The following ACOT11 variants were observed in gnomAD, a reference collection of about 807,000 sequenced individuals.
ACOT11 encodes acyl-CoA thioesterase 11, also known as acyl-coenzyme A thioesterase 11.
Under a neutral mutation model 77.5 loss-of-function variants are expected in ACOT11, and 69 were observed. The observed-to-expected ratio is 0.89, with a 90% CI of 0.73 to 1.09. The LOEUF (loss-of-function observed/expected upper bound fraction) is 1.09. ACOT11 is among the 50% of genes least tolerant of loss of function. The probability of loss-of-function intolerance (pLI) is 0.00; values close to 1 mark genes in which losing one functional copy is unlikely to be tolerated. For synonymous variants in ACOT11, 279 were observed against 313.0 expected (o/e 0.89, Z 1.15); for missense variants, 766 against 813.7 (o/e 0.94, Z 0.71).
Position 54,584,940 on chromosome 1 carries a change from G to A in ACOT11, c.241+78G>A, listed in dbSNP as rs936435533. 10 of 1,433,732 alleles carry A rather than the reference G, an allele frequency of 7.0e-6. No homozygotes were observed. In the East Asian group the frequency reaches 9.9e-5, roughly 14 times the overall value. The allele number at this position is 1,433,732 out of a possible 1,614,324, so 88.8% of individuals were successfully genotyped here. A position where few individuals can be genotyped will look rare whatever the true frequency, so the allele number is the denominator to read the frequency against. ...GGCCGTGCTTTCAGAGATGGTCACCGTCCACCCTAAGTGCCACACTTGTTT... is the reference window on the plus strand; with the variant it reads ...GGCCGTGCTTTCAGAGATGGTCACCATCCACCCTAAGTGCCACACTTGTTT... On this transcript the variant is annotated intron_variant, in intron 2 of 15. Transcript: ENST00000343744. This position sits in a 1 kb window ranked among gnomAD's most constrained non-coding sequence, Gnocchi z 6.3.
At chr1:54,576,778 T>C (rs1654132064) in intron 1 of ACOT11, among the ~76,000 whole-genome samples, 1 of 152,020 alleles carries the variant, frequency 6.6e-6, no homozygotes, top group Non-Finnish European at 1.5e-5. Context: ...ACTGGAGGTG[T>C]GGGCGAGACT....
At chr1:54,637,755 C>T (rs1644339127) in exon 17 of ACOT11, 1 of 152,034 alleles carries the variant, frequency 6.6e-6, no homozygotes, top group South Asian at 2.1e-4. Flanking sequence ...CCACTGCATT[C>T]CAGCCGGGGT....
At chr1:54,594,438 C>A in intron 5 of ACOT11, 118 bp from the exon 6 acceptor site, 1 of 1,340,810 alleles carries the variant, frequency 7.5e-7, no homozygotes, top group Non-Finnish European at 1.0e-6. Flanking sequence ...TGGAACTGAG[C>A]AGCAGCCCAC....
At chr1:54,574,228 A>T (rs1016194923) in intron 1 of ACOT11, among the ~76,000 whole-genome samples, 3 of 152,164 alleles carry the variant, frequency 2.0e-5, no homozygotes, top group African/African-American at 7.2e-5. Context: ...CAGCGCCCAA[A>T]CAATACGGAG....
At position 54,609,246 on chromosome 1, in the gene ACOT11, C is replaced by T. The variant is rs758065053; in HGVS notation, c.*134C>T. 1.9e-6 allele frequency: 3 copies of T among 1,594,476 alleles called. No homozygotes were observed. In the South Asian group the frequency reaches 3.4e-5, roughly 18 times the overall value. ...TGGGAAGCCTCCGCCCTGAGGTCCG[C>T]TGGCCCACCACCCCTGGGTGCTCAG... On this transcript the variant is annotated 3_prime_UTR_variant, in exon 16 of 16. Coordinates refer to ENST00000343744, the MANE Select transcript of ACOT11 (RefSeq NM_147161.4).
At chr1:54,623,188 A>AT in intron 15 of ACOT11, 1 of 796,396 alleles carries the variant, frequency 1.3e-6, no homozygotes, top group Non-Finnish European at 2.0e-6. Context: ...AAAAAAAAAA[A>AT]GGGACTGGTC....
chr1:54,589,929 A>G (rs544796396), intron 3 of ACOT11, among the ~76,000 whole-genome samples: 1 of 152,270 alleles, frequency 6.6e-6, no homozygotes, highest in African/African-American at 2.4e-5. Context: ...TCTACTAAAA[A>G]TACAAAAAAT....
intron 1 of ACOT11, among the ~76,000 whole-genome samples, chr1:54,570,065 C>T (rs1653880793): frequency 6.6e-6 from 1 of 152,210 alleles, no homozygotes; most frequent in African/African-American, 2.4e-5. Flanking sequence ...TCCTGTGTGC[C>T]CAGCATGCCT....
intron 3 of ACOT11, among the ~76,000 whole-genome samples, chr1:54,592,143 C>T (rs1654732796): frequency 6.6e-6 from 1 of 152,194 alleles, no homozygotes. Flanking sequence ...AGACAGAGGT[C>T]ACTCTGCCAG....
In ACOT11 at chr1:54,602,682, G is replaced by A. The variant is rs778640519; in HGVS notation, c.1043G>A (p.Arg348Gln). The A allele has an allele frequency of 1.1e-5, 17 of 1,552,626 alleles. 1 individual carries two copies. The highest frequency in any genetic ancestry group is 7.2e-5 in the East Asian group (3 of 41,446). ...CTTCCTCCCCAGGATGGTGAGCGGCGGTACCGAGAGGCCAGTGCCAGAAAG... is the reference window on the plus strand; with the variant it reads ...CTTCCTCCCCAGGATGGTGAGCGGCAGTACCGAGAGGCCAGTGCCAGAAAG... ...IRPQPGDGER[R>Q]YREASARKKI... Residue 348 changes from arginine to glutamine, a missense_variant, in exon 10 of 16, where the codon CGG becomes CAG. Coordinates refer to ENST00000343744, the MANE Select transcript of ACOT11 (RefSeq NM_147161.4).
chr1:54,570,226 C>T (rs1028641079), intron 1 of ACOT11, among the ~76,000 whole-genome samples: 3 of 152,176 alleles, frequency 2.0e-5, no homozygotes, highest in Admixed American at 6.5e-5. Flanking sequence ...CATATGTGGG[C>T]GTCTGCGGGA....
intron 3 of ACOT11, among the ~76,000 whole-genome samples, chr1:54,587,187 C>T (rs970207757): frequency 6.6e-6 from 1 of 152,130 alleles, no homozygotes; most frequent in Non-Finnish European, 1.5e-5. Context: ...GATGTAGGAA[C>T]GTCATTCAAT....
intron 1 of ACOT11, among the ~76,000 whole-genome samples, chr1:54,574,831 G>C (rs191430398): frequency 4.3e-4 from 65 of 152,220 alleles, no homozygotes; most frequent in African/African-American, 1.4e-3. Flanking sequence ...GGAAAGACAA[G>C]TCCCCATCCA....
chr1:54,589,338 T>G (rs11800481), intron 3 of ACOT11, among the ~76,000 whole-genome samples: 14,181 of 146,642 alleles, frequency 0.097, 1,214 homozygotes, highest in African/African-American at 0.22. Flanking sequence ...TTTTTTTTTT[T>G]AGAGAAGGAT....
intron 5 of ACOT11, 150 bp from the exon 6 acceptor site, chr1:54,594,405 TG>T: frequency 9.3e-7 from 1 of 1,078,988 alleles, no homozygotes; most frequent in Non-Finnish European, 1.3e-6. Context: ...GGCAGGAAGA[TG>T]GGGCAAAGAG....
At chr1:54,591,118 C>T (rs1654697864) in intron 3 of ACOT11, among the ~76,000 whole-genome samples, 2 of 152,150 alleles carry the variant, frequency 1.3e-5, no homozygotes, top group South Asian at 4.1e-4. Context: ...TCATCCGTCA[C>T]TATGTCAGCA....
intron 3 of ACOT11, among the ~76,000 whole-genome samples, chr1:54,588,816 G>C (rs1654597077): frequency 6.6e-6 from 1 of 152,128 alleles, no homozygotes; most frequent in Non-Finnish European, 1.5e-5. Context: ...GTGAATCTGG[G>C]CAGAGGAGGC....
At chr1:54,622,568 C>CAA (rs111738675) in intron 15 of ACOT11, among the ~76,000 whole-genome samples, 11 of 140,244 alleles carry the variant, frequency 7.8e-5, no homozygotes, top group African/African-American at 2.9e-4. Context: ...GACTCCGTTT[C>CAA]AAAAAAAAAA....
Position 54,610,300 on chromosome 1 carries a change from G to T in ACOT11, c.*1188G>T. ...CTGCCCCACCTTGCATCCAGGGTATGGTGTAAATAAACCTGTGTTGCCATG... is the reference window on the plus strand; with the variant it reads ...CTGCCCCACCTTGCATCCAGGGTATTGTGTAAATAAACCTGTGTTGCCATG... On this transcript the variant is annotated 3_prime_UTR_variant, in exon 16 of 16. Coordinates refer to ENST00000343744, the MANE Select transcript of ACOT11 (RefSeq NM_147161.4). 2 of 1,533,258 alleles carry T rather than the reference G, an allele frequency of 1.3e-6. No homozygotes were observed. Among genetic ancestry groups the T allele is most frequent in the Non-Finnish European group, 1.7e-6 (2 of 1,143,128 alleles). 95.0% of individuals were successfully genotyped at this position (1,533,258 alleles called of 1,614,324 possible).
Sources: gnomAD v4.1 joint callset for allele counts (sites outside exome capture counted in the v4.1 genomes callset) on GRCh38, gnomAD v4.1.1 for gene constraint, Gnocchi (gnomAD v3.1) non-coding constraint, MANE v1.5 for transcripts, NCBI Gene and HGNC (gene_info 2026-07-23, HGNC 2026-07-21) for gene names.